Variants in EPHA6 observed in about 807,000 individuals in gnomAD.
EPHA6 encodes EPH receptor A6.
In EPHA6, 50 loss-of-function variants were observed where a neutral mutation model predicts 112.0. That is an observed-to-expected ratio of 0.45 (90% CI 0.36 to 0.56). The LOEUF is 0.56. Among genes scored for constraint, EPHA6 ranks in the 20% least tolerant of loss-of-function variants. The probability of loss-of-function intolerance (pLI) is 0.00; values close to 1 mark genes in which losing one functional copy is unlikely to be tolerated. For missense variants in EPHA6, 1,280 were observed against 1,417.4 expected (o/e 0.90, Z 1.56); for synonymous variants, 529 against 490.7 (o/e 1.08, Z -1.03).
intron 5 of EPHA6, among the ~76,000 whole-genome samples, chr3:97,394,223 G>T (rs1236902705): frequency 6.6e-6 from 1 of 151,798 alleles, no homozygotes; most frequent in East Asian, 1.9e-4. Flanking sequence ...TCCACATGCA[G>T]AAGAATGAAA....
chr3:97,736,468 AGAGT>A (rs1240198183), intron 16 of EPHA6, among the ~76,000 whole-genome samples: 283 of 109,608 alleles, frequency 2.6e-3, no homozygotes, highest in African/African-American at 7.6e-3. Flanking sequence ...AGAGAGAGAG[AGAGT>A]GTGTGTGTGT....
At chr3:97,278,302 T>C (rs2080167406) in intron 5 of EPHA6, among the ~76,000 whole-genome samples, 1 of 152,244 alleles carries the variant, frequency 6.6e-6, no homozygotes, top group African/African-American at 2.4e-5. Flanking sequence ...ACTTTGAAGT[T>C]AGGACTGGTC....
chr3:97,315,965 G>T (rs1229918499), intron 5 of EPHA6, among the ~76,000 whole-genome samples: 1 of 151,636 alleles, frequency 6.6e-6, no homozygotes, highest in Non-Finnish European at 1.5e-5. Context: ...TTTCATTAAA[G>T]TCAGGCCTGT....
At chr3:97,084,100 G>GTGTGTGTGT (rs2046812699) in intron 3 of EPHA6, among the ~76,000 whole-genome samples, 1 of 74,362 alleles carries the variant, frequency 1.3e-5, no homozygotes, top group African/African-American at 7.9e-5. Context: ...GTGTGTGCAT[G>GTGTGTGTGT]GATATATATA....
At chr3:97,268,796 T>C (rs2108635799) in intron 5 of EPHA6, among the ~76,000 whole-genome samples, 1 of 152,306 alleles carries the variant, frequency 6.6e-6, no homozygotes, top group East Asian at 1.9e-4. Context: ...TTTAATATGT[T>C]CACAGAAATA....
At chr3:97,051,459 A>G (rs1219216830) in intron 3 of EPHA6, among the ~76,000 whole-genome samples, 7 of 152,128 alleles carry the variant, frequency 4.6e-5, no homozygotes, top group African/African-American at 1.2e-4. Context: ...ACCAGGCACT[A>G]TATGCTCTGT....
intron 5 of EPHA6, among the ~76,000 whole-genome samples, chr3:97,393,181 T>C (rs920269923): frequency 6.6e-6 from 1 of 151,890 alleles, no homozygotes; most frequent in Non-Finnish European, 1.5e-5. Context: ...TAGAAAGTAG[T>C]GGTACAACAT....
intron 5 of EPHA6, among the ~76,000 whole-genome samples, chr3:97,362,585 G>A (rs1342078198): frequency 4.6e-5 from 7 of 151,936 alleles, no homozygotes; most frequent in African/African-American, 1.7e-4. Flanking sequence ...ATTATTTCAG[G>A]TTGTTTAATT....
At chr3:97,437,132 A>C (rs2089891757) in intron 6 of EPHA6, among the ~76,000 whole-genome samples, 1 of 151,652 alleles carries the variant, frequency 6.6e-6, no homozygotes, top group East Asian at 1.9e-4. Context: ...TTCTTTGTCC[A>C]ATGTGGCCAG....
In EPHA6 at chr3:96,964,415, A is replaced by C. The variant is rs111977886; in HGVS notation, c.451-22915A>C. 5.3e-5 allele frequency among the ~76,000 whole-genome samples: 8 copies of C among 152,226 alleles called. No homozygotes were observed. The East Asian group carries it at 1.5e-3, about 29-fold the overall frequency. ...TTTGTTCATCTTAGACAACTGTTCT[A>C]TTTTGTTTGAGGGGGAAACTTTAAT... On this transcript the variant is annotated intron_variant, in intron 2 of 17. Coordinates refer to ENST00000389672, the MANE Select transcript of EPHA6 (RefSeq NM_001080448.3).
rs375590057 is a variant in EPHA6 at position 97,230,238 on chromosome 3, C to A, written c.1270+3819C>A. Among the ~76,000 whole-genome samples the A allele has an allele frequency of 2.6e-4, 40 of 151,980 alleles. No individual in the cohort carries two copies. In the South Asian group the frequency reaches 8.3e-3, roughly 32 times the overall value. ...GGAAATAAGTTCCCATCAATGTAAC[C>A]CTTTAGTAAAGTAGTATAGTCAATA... On this transcript the variant is annotated intron_variant, in intron 4 of 17. Coordinates refer to ENST00000389672, the MANE Select transcript of EPHA6 (RefSeq NM_001080448.3).
At chr3:97,548,059 G>A (rs867923474) in intron 11 of EPHA6, among the ~76,000 whole-genome samples, 32 of 152,240 alleles carry the variant, frequency 2.1e-4, no homozygotes, top group Middle Eastern at 3.4e-3. Context: ...TGCACGGTGC[G>A]CTGTACCCAC....
chr3:97,221,048 G>A (rs1204639419), intron 3 of EPHA6, among the ~76,000 whole-genome samples: 19 of 152,006 alleles, frequency 1.2e-4, no homozygotes, highest in Non-Finnish European at 2.4e-4. Context: ...GGGTGCAGTG[G>A]CTCATGCCTA....
chr3:97,100,269 A>T (rs1576487642), intron 3 of EPHA6, among the ~76,000 whole-genome samples: 2 of 149,832 alleles, frequency 1.3e-5, no homozygotes, highest in East Asian at 1.9e-4. Flanking sequence ...ATATATATAG[A>T]TATATGGAGC....
chr3:97,498,582 C>T (rs868443135), intron 10 of EPHA6, among the ~76,000 whole-genome samples: 13 of 152,034 alleles, frequency 8.6e-5, no homozygotes, highest in African/African-American at 3.1e-4. Context: ...GATGTATTGG[C>T]CTGGTAAGGG....
At chr3:97,593,300 G>A (rs565455569) in intron 12 of EPHA6, among the ~76,000 whole-genome samples, 2 of 152,086 alleles carry the variant, frequency 1.3e-5, no homozygotes, top group African/African-American at 2.4e-5. Flanking sequence ...ATAGGATATT[G>A]AACATTTAAA....
intron 11 of EPHA6, chr3:97,572,620 T>C (rs910947583): frequency 2.0e-5 from 3 of 152,164 alleles, no homozygotes; most frequent in African/African-American, 7.2e-5. Context: ...GGCCTTCTGA[T>C]TCTTAGATTT....
chr3:97,042,478 C>A (rs531955113), intron 3 of EPHA6, among the ~76,000 whole-genome samples: 12 of 152,174 alleles, frequency 7.9e-5, no homozygotes, highest in Admixed American at 5.2e-4. Context: ...TCTAGCAATG[C>A]AAAAATGCCC....
intron 5 of EPHA6, among the ~76,000 whole-genome samples, chr3:97,259,047 A>C (rs960952647): frequency 3.3e-5 from 5 of 152,162 alleles, no homozygotes; most frequent in Non-Finnish European, 7.4e-5. Flanking sequence ...GGAATTCTTG[A>C]AATTTTGCTA....
Sources: allele counts gnomAD v4.1 joint callset (sites outside exome capture counted in the v4.1 genomes callset), GRCh38; gene constraint gnomAD v4.1.1; transcripts MANE v1.5; gene names NCBI Gene and HGNC (gene_info 2026-07-23, HGNC 2026-07-21).